BOLL: variants seen among roughly 807,000 people sequenced by gnomAD.
BOLL encodes the protein boule RNA binding protein, also known as protein boule-like.
Under a neutral mutation model 44.4 loss-of-function variants are expected in BOLL, and 23 were observed. That is an observed-to-expected ratio of 0.52 (90% CI 0.37 to 0.73). The LOEUF is 0.73. BOLL is among the 30% of genes least tolerant of loss of function. The pLI is 0.00. For missense variants in BOLL, 287 were observed against 338.3 expected, an observed-to-expected ratio of 0.85 and a Z score of 1.19; for synonymous variants, 97 against 110.8, an observed-to-expected ratio of 0.88 and a Z score of 0.78.
At chr2:197,764,337 A>G (rs1051369842) in intron 7 of BOLL, among the ~76,000 whole-genome samples, 1 of 152,212 alleles carries the variant, frequency 6.6e-6, no homozygotes, top group South Asian at 2.1e-4. Context: ...TATATACACA[A>G]TGGAATACTA....
rs536205255 is a variant in BOLL, at chr2:197,767,457, C to T, written c.481-854G>A. Reference sequence around the variant, plus strand: ...ACATTAGAAAATAATAATGTAATTTCCCATATTAATAGATTAAAGGAGAAA... The same window carrying T: ...ACATTAGAAAATAATAATGTAATTTTCCATATTAATAGATTAAAGGAGAAA... On this transcript the variant is annotated intron_variant, in intron 6 of 10. Transcript: ENST00000392296. Among the ~76,000 whole-genome samples, 527 of 151,848 alleles carry T rather than the reference C, an allele frequency of 3.5e-3. 3 individuals carry two copies. The highest frequency in any genetic ancestry group is 0.011 in the South Asian group (53 of 4,810).
At chr2:197,749,725 A>G (rs770250317) in intron 9 of BOLL, among the ~76,000 whole-genome samples, 2 of 152,140 alleles carry the variant, frequency 1.3e-5, no homozygotes, top group Non-Finnish European at 2.9e-5. Context: ...TTCAAGAAAT[A>G]TGGGACTATG....
chr2:197,761,564 A>C (rs1410913986), intron 7 of BOLL, among the ~76,000 whole-genome samples: 1 of 152,226 alleles, frequency 6.6e-6, no homozygotes, highest in African/African-American at 2.4e-5. Context: ...CAAAATAACC[A>C]GAAAATGATA....
intron 7 of BOLL, among the ~76,000 whole-genome samples, chr2:197,761,561 A>G (rs947092919): frequency 2.2e-4 from 33 of 152,330 alleles, no homozygotes; most frequent in African/African-American, 7.5e-4. Flanking sequence ...ATGCAAAATA[A>G]CCAGAAAATG....
chr2:197,745,812 G>C (rs954482128), intron 9 of BOLL, among the ~76,000 whole-genome samples: 1 of 152,262 alleles, frequency 6.6e-6, no homozygotes, highest in East Asian at 1.9e-4. Flanking sequence ...TTTCCCAAGA[G>C]GTCAATGTTC....
At position 197,728,378 on chromosome 2, in the gene BOLL, G is replaced by T; in HGVS notation, c.*177C>A. 9.5e-7 allele frequency: 1 copy of T among 1,050,182 alleles called. No individual in the cohort carries two copies. Among genetic ancestry groups the T allele is most frequent in the Non-Finnish European group, 1.4e-6 (1 of 733,904 alleles). 65.1% of individuals were successfully genotyped at this position (1,050,182 alleles called of 1,614,324 possible). On this transcript the variant is annotated 3_prime_UTR_variant, in exon 11 of 11. Coordinates refer to ENST00000392296, the MANE Select transcript of BOLL (RefSeq NM_033030.6). ...ATAATTTTGTAGAACAGCTGAAAAA[G>T]CAAATTTCATCAAATTTAGACAGCT...
chr2:197,742,888 A>G (rs2106326512), intron 10 of BOLL, among the ~76,000 whole-genome samples, 173 bp downstream of exon 10: 1 of 152,296 alleles, frequency 6.6e-6, no homozygotes, highest in East Asian at 1.9e-4. Context: ...TAAATAAAAA[A>G]GTTAATAGTT....
rs1240118577 is a variant in BOLL, at chr2:197,732,104, G to A, written c.829-3526C>T. 1.5e-3 allele frequency among the ~76,000 whole-genome samples: 231 copies of A among 150,372 alleles called. 1 individual carries two copies. Among genetic ancestry groups the A allele is most frequent in the African/African-American group, 4.8e-3 (196 of 40,746 alleles). ...AAAAAGAGAGAAGAATCAAATAGAC[G>A]CAATAAAAAATGATAAAGGGGATAT... On this transcript the variant is annotated intron_variant, in intron 10 of 10. Coordinates refer to ENST00000392296, the MANE Select transcript of BOLL (RefSeq NM_033030.6).
At chr2:197,740,659 T>C (rs1225538021) in intron 10 of BOLL, among the ~76,000 whole-genome samples, 2 of 152,152 alleles carry the variant, frequency 1.3e-5, no homozygotes. Flanking sequence ...CAGAGTACTG[T>C]ATATTAAATA....
intron 7 of BOLL, among the ~76,000 whole-genome samples, chr2:197,763,187 AC>A (rs1688836311): frequency 6.6e-6 from 1 of 152,138 alleles, no homozygotes. Flanking sequence ...GAAATTGAAA[AC>A]CTTAAGAAAC....
chr2:197,739,159 A>T (rs577299858), intron 10 of BOLL, among the ~76,000 whole-genome samples: 1 of 152,320 alleles, frequency 6.6e-6, no homozygotes, highest in East Asian at 1.9e-4. Context: ...AAAAATAAAA[A>T]TGAGAAACAC....
In BOLL at chr2:197,771,884, C is replaced by A; in HGVS notation, c.451G>T (p.Glu151Ter). 1 of 1,598,224 alleles carries A rather than the reference C, an allele frequency of 6.3e-7. No homozygotes were observed. Residue 151 changes from glutamate to a stop codon, truncating the protein, a stop_gained, in exon 6 of 11, where the codon GAG (glutamate) becomes TAG (stop). Transcript: ENST00000392296. LOFTEE classifies it high-confidence loss of function. Reference protein sequence around the residue: ...HNGVAYFHTPEVTSVPPPWPS... With the variant: ...HNGVAYFHTP ...CAAGGCGGTGGGACCGAAGTTACCTCTGGAGTATGAAAATAAGCAACACCA... is the reference window on the plus strand; with the variant it reads ...CAAGGCGGTGGGACCGAAGTTACCTATGGAGTATGAAAATAAGCAACACCA...
intron 9 of BOLL, 52 bp from the exon 10 acceptor site, chr2:197,743,211 A>T: frequency 1.5e-6 from 2 of 1,334,672 alleles, no homozygotes; most frequent in Non-Finnish European, 2.1e-6. Context: ...TTAATTCTAA[A>T]TATTTACTCA....
At chr2:197,772,121 A>T (rs545161434) in intron 5 of BOLL, 139 bp from the exon 6 acceptor site, 24 of 667,982 alleles carry the variant, frequency 3.6e-5, no homozygotes, top group East Asian at 2.6e-4. Context: ...AGATATTTTT[A>T]AAAAATTCCT....
chr2:197,764,322 GTA>G (rs1384629624), intron 7 of BOLL, among the ~76,000 whole-genome samples: 1 of 151,910 alleles, frequency 6.6e-6, no homozygotes, highest in Admixed American at 6.6e-5. Flanking sequence ...AGAAAATATG[GTA>G]TATATATACA....
intron 9 of BOLL, among the ~76,000 whole-genome samples, chr2:197,746,445 C>T (rs184922294): frequency 8.6e-4 from 131 of 152,266 alleles, no homozygotes; most frequent in African/African-American, 3.0e-3. Flanking sequence ...TATCCATATA[C>T]ACAATGGAAT....
At chr2:197,753,100 T>C (rs1162062210) in intron 9 of BOLL, among the ~76,000 whole-genome samples, 2 of 152,226 alleles carry the variant, frequency 1.3e-5, no homozygotes, top group African/African-American at 2.4e-5. Context: ...TGGCTGGCCA[T>C]ATGCAGAAAA....
At chr2:197,763,292 C>A (rs904422082) in intron 7 of BOLL, among the ~76,000 whole-genome samples, 4 of 151,954 alleles carry the variant, frequency 2.6e-5, no homozygotes, top group Non-Finnish European at 4.4e-5. Context: ...ACCATCCTGG[C>A]TAACAGGGTG....
At chr2:197,740,729 G>T (rs867318580) in intron 10 of BOLL, among the ~76,000 whole-genome samples, 1 of 152,164 alleles carries the variant, frequency 6.6e-6, no homozygotes, top group African/African-American at 2.4e-5. Context: ...GGGACTAGGG[G>T]TTGAGAGGAA....
Sources: gnomAD v4.1 joint callset for allele counts (sites outside exome capture counted in the v4.1 genomes callset) on GRCh38, gnomAD v4.1.1 for gene constraint, MANE v1.5 for transcripts, NCBI Gene and HGNC (gene_info 2026-07-23, HGNC 2026-07-21) for gene names.